The following CLEC16A variants were observed in gnomAD, a reference collection of about 807,000 sequenced individuals.
CLEC16A encodes the protein protein CLEC16A.
CLEC16A carries 51 observed loss-of-function variants against 109.5 expected under a neutral mutation model. The ratio of observed to expected loss-of-function variants is 0.47; its 90% CI spans 0.37 to 0.59. The LOEUF (loss-of-function observed/expected upper bound fraction) is 0.59. CLEC16A is among the 20% of genes least tolerant of loss of function. CLEC16A has a pLI of 0.00. For synonymous variants in CLEC16A, 673 were observed against 564.2 expected, an observed-to-expected ratio of 1.19 and a Z score of -2.73; for missense variants, 1,339 against 1,394.0, an observed-to-expected ratio of 0.96 and a Z score of 0.63.
rs1284257644 is a variant in CLEC16A at position 11,020,467 on chromosome 16, C to G, written c.1436+142C>G. On this transcript the variant is annotated intron_variant, in intron 12 of 23. Transcript: ENST00000409790. The stretch of plus-strand genomic sequence containing the variant: ...TCCCTTTCTTTCCCTGCTTCTCCAG[C>G]TCTGGCCACCCAGAAGCATGGAGAC... 2.8e-6 allele frequency: 3 copies of G among 1,065,312 alleles called. No individual in the cohort carries two copies. In the African/African-American group the frequency reaches 4.8e-5, roughly 17 times the overall value. The allele number at this position is 1,065,312 out of a possible 1,614,324, so 66.0% of individuals were successfully genotyped here. A position where few individuals can be genotyped will look rare whatever the true frequency, so the allele number is the denominator to read the frequency against.
intron 23 of CLEC16A, among the ~76,000 whole-genome samples, chr16:11,168,908 G>C (rs530220747): frequency 1.3e-5 from 2 of 152,356 alleles, no homozygotes; most frequent in East Asian, 3.9e-4. Context: ...GGCTTCTGAT[G>C]AGGGAAGGTC....
At chr16:11,068,294 A>T (rs560479902) in intron 19 of CLEC16A, among the ~76,000 whole-genome samples, 2 of 152,332 alleles carry the variant, frequency 1.3e-5, no homozygotes, top group South Asian at 4.1e-4. Context: ...TGGGCCCACA[A>T]ATGTAGCTTC....
At chr16:11,085,051 C>G (rs984172520) in intron 19 of CLEC16A, among the ~76,000 whole-genome samples, 15 of 152,294 alleles carry the variant, frequency 9.8e-5, no homozygotes, top group African/African-American at 3.6e-4. Context: ...TTTTGTCAGG[C>G]CTGGGGGAAG....
At chr16:11,110,707 C>G (rs779366342) in intron 19 of CLEC16A, among the ~76,000 whole-genome samples, 1 of 152,164 alleles carries the variant, frequency 6.6e-6, no homozygotes, top group Admixed American at 6.5e-5. Context: ...GCATGCTGGG[C>G]ACAGCCCCAT....
intron 22 of CLEC16A, among the ~76,000 whole-genome samples, chr16:11,164,012 C>T (rs2054816687): frequency 6.6e-6 from 1 of 152,168 alleles, no homozygotes; most frequent in Admixed American, 6.5e-5. Flanking sequence ...GGCTGAGTGT[C>T]CCCAAGGAAT....
At chr16:11,117,659 C>G (rs905200826) in intron 19 of CLEC16A, among the ~76,000 whole-genome samples, 1 of 152,178 alleles carries the variant, frequency 6.6e-6, no homozygotes, top group Non-Finnish European at 1.5e-5. Flanking sequence ...TAATACTTCT[C>G]CCACACACAC....
Position 10,944,741 on chromosome 16 carries a change from G to T in CLEC16A, c.24G>T (p.Trp8Cys), listed in dbSNP as rs1434013091. ...ACATGTTTGGCCGCTCGCGGAGCTG[G>T]GTGGGCGGGGGCCATGGCAAGACTT... MFGRSRS[W>C]VGGGHGKTSR... is the part of the protein sequence containing the mutation. Residue 8 changes from tryptophan to cysteine, a missense_variant, in exon 1 of 24, where the codon TGG becomes TGT. Transcript: ENST00000409790. 6.2e-7 allele frequency: 1 copy of T among 1,609,170 alleles called. No individual in the cohort carries two copies. The highest frequency in any genetic ancestry group is 8.5e-7 in the Non-Finnish European group (1 of 1,178,652).
intron 19 of CLEC16A, among the ~76,000 whole-genome samples, chr16:11,097,437 A>C (rs2050668712): frequency 6.6e-6 from 1 of 152,118 alleles, no homozygotes; most frequent in Non-Finnish European, 1.5e-5. Context: ...TTAATCTTTC[A>C]TTAGAATTTG....
At chr16:11,023,660 T>A (rs918684146) in intron 12 of CLEC16A, among the ~76,000 whole-genome samples, 1 of 151,886 alleles carries the variant, frequency 6.6e-6, no homozygotes, top group Non-Finnish European at 1.5e-5. Flanking sequence ...CAGAGATACA[T>A]GTATAGAGTC....
At chr16:11,022,823 C>T (rs961189209) in intron 12 of CLEC16A, among the ~76,000 whole-genome samples, 12 of 150,742 alleles carry the variant, frequency 8.0e-5, no homozygotes, top group Non-Finnish European at 1.6e-4. Context: ...GGCGTGAACC[C>T]GGGAGGCAGA....
intron 22 of CLEC16A, among the ~76,000 whole-genome samples, chr16:11,159,220 T>C (rs755698589): frequency 2.4e-4 from 37 of 152,212 alleles, no homozygotes; most frequent in Non-Finnish European, 5.0e-4. Context: ...GGCCCTGCCA[T>C]CTCCCTGGCA....
intron 22 of CLEC16A, among the ~76,000 whole-genome samples, chr16:11,137,313 C>T (rs890364726): frequency 6.6e-6 from 1 of 151,996 alleles, no homozygotes; most frequent in African/African-American, 2.4e-5. Context: ...ACGAAAAATT[C>T]CTAGCCCTTA....
At chr16:11,028,644 G>A (rs534496487) in intron 13 of CLEC16A, among the ~76,000 whole-genome samples, 6 of 150,998 alleles carry the variant, frequency 4.0e-5, no homozygotes, top group South Asian at 2.1e-4. Flanking sequence ...TTAAACTAAC[G>A]TACCATAAAA....
intron 9 of CLEC16A, 29 bp from the exon 10 acceptor site, chr16:10,982,849 G>T: frequency 7.5e-7 from 1 of 1,328,094 alleles, no homozygotes; most frequent in Non-Finnish European, 1.1e-6. Context: ...ACACTTTCAT[G>T]CAAATCCCGT....
intron 16 of CLEC16A, among the ~76,000 whole-genome samples, chr16:11,046,102 C>T (rs1432010325): frequency 6.6e-6 from 1 of 152,144 alleles, no homozygotes; most frequent in African/African-American, 2.4e-5. Context: ...CTCAGGGTTG[C>T]ATTAGTCATC....
intron 8 of CLEC16A, 22 bp downstream of exon 8, chr16:10,977,421 C>A: frequency 6.2e-7 from 1 of 1,604,984 alleles, no homozygotes; most frequent in Non-Finnish European, 8.5e-7. Flanking sequence ...CCCGTGGCTC[C>A]CGCTGGCTGA....
intron 13 of CLEC16A, chr16:11,027,832 A>T: frequency 1.4e-6 from 1 of 722,088 alleles, no homozygotes; most frequent in Non-Finnish European, 2.4e-6. Flanking sequence ...TTGTTTTGGG[A>T]ATTTTTATCA....
chr16:11,052,761 C>A (rs1271775250), intron 18 of CLEC16A, among the ~76,000 whole-genome samples: 1 of 152,218 alleles, frequency 6.6e-6, no homozygotes, highest in Non-Finnish European at 1.5e-5. Context: ...TGCTCACCCC[C>A]AGCCAGGGCT....
At chr16:11,109,108 CAAAAAAA>C (rs33997945) in intron 19 of CLEC16A, among the ~76,000 whole-genome samples, 2 of 58,240 alleles carry the variant, frequency 3.4e-5, no homozygotes, top group Non-Finnish European at 6.3e-5. Flanking sequence ...GAGACTGTCT[CAAAAAAA>C]AAAAAAAAAA....
Sources: allele counts gnomAD v4.1 joint callset (sites outside exome capture counted in the v4.1 genomes callset), GRCh38; gene constraint gnomAD v4.1.1; transcripts MANE v1.5; gene names NCBI Gene and HGNC (gene_info 2026-07-23, HGNC 2026-07-21).